VNN1: variants seen among roughly 807,000 people sequenced by gnomAD.
VNN1 encodes vanin 1.
A neutral mutation model predicts 41.9 loss-of-function variants in VNN1; 29 were observed. The ratio of observed to expected loss-of-function variants is 0.69; its 90% CI spans 0.52 to 0.94. The LOEUF is 0.94. Among genes scored for constraint, VNN1 ranks in the 40% least tolerant of loss-of-function variants. The pLI is 0.00. For missense variants in VNN1, 637 were observed against 621.1 expected (o/e 1.03, Z -0.27); for synonymous variants, 233 against 224.4 (o/e 1.04, Z -0.34).
intron 1 of VNN1, among the ~76,000 whole-genome samples, chr6:132,712,180 C>T (rs1230676392): frequency 3.6e-5 from 5 of 139,964 alleles, no homozygotes; most frequent in African/African-American, 7.9e-5. Context: ...GATGGAGTTT[C>T]GCTCTGCTGC....
At position 132,693,278 on chromosome 6, in the gene VNN1, G is replaced by T; in HGVS notation, c.572C>A (p.Pro191His). The change falls in exon 4 of 7, where the codon CCC becomes CAC. Residue 191 changes from proline (P) to histidine (H), a missense_variant. Transcript: ENST00000367928. ...GAAAGTCACAATCTCAGGCTCCTTG[G>T]GTACATTGAATTGATTTTCACCCAT... ...LFMGENQFNVPKEPEIVTFNT... is the reference protein window; with the variant it reads ...LFMGENQFNVHKEPEIVTFNT... 1 of 1,611,652 alleles carries T rather than the reference G, an allele frequency of 6.2e-7. No homozygotes were observed. The highest frequency in any genetic ancestry group is 1.1e-5 in the South Asian group (1 of 90,494).
intron 2 of VNN1, among the ~76,000 whole-genome samples, chr6:132,701,425 C>T (rs576339238): frequency 6.6e-6 from 1 of 152,256 alleles, no homozygotes; most frequent in South Asian, 2.1e-4. Flanking sequence ...TATATGTCAG[C>T]ACCTACAGCT....
intron 1 of VNN1, among the ~76,000 whole-genome samples, chr6:132,712,088 T>G (rs1229572790): frequency 6.6e-6 from 1 of 152,088 alleles, no homozygotes; most frequent in Non-Finnish European, 1.5e-5. Context: ...AAATGCAGGT[T>G]TGTTGCATGG....
chr6:132,685,886 G>T (rs527501712), intron 5 of VNN1, among the ~76,000 whole-genome samples: 21 of 152,280 alleles, frequency 1.4e-4, no homozygotes, highest in African/African-American at 4.8e-4. Flanking sequence ...AAGTTTAAGA[G>T]ACATAGTTGA....
At chr6:132,704,970 G>A (rs952940592) in intron 2 of VNN1, among the ~76,000 whole-genome samples, 1 of 151,838 alleles carries the variant, frequency 6.6e-6, no homozygotes, top group Non-Finnish European at 1.5e-5. Context: ...AGCCTACCAA[G>A]ATTGAACCAC....
chr6:132,683,519 T>C (rs185861962), intron 6 of VNN1, among the ~76,000 whole-genome samples, 197 bp from the exon 7 acceptor site: 1 of 152,230 alleles, frequency 6.6e-6, no homozygotes, highest in Non-Finnish European at 1.5e-5. Context: ...ATTAGTGAGA[T>C]GCCCGTAATC....
intron 2 of VNN1, among the ~76,000 whole-genome samples, chr6:132,696,960 C>T (rs1582772971): frequency 6.6e-6 from 1 of 152,002 alleles, no homozygotes; most frequent in African/African-American, 2.4e-5. Flanking sequence ...AAAAAATTAG[C>T]CAGGCGTGGT....
intron 2 of VNN1, among the ~76,000 whole-genome samples, chr6:132,707,226 CA>C (rs61642987): frequency 5.4e-4 from 74 of 137,520 alleles, no homozygotes; most frequent in Non-Finnish European, 7.5e-4. Context: ...GGCTCTGTCT[CA>C]AAAAAAAAAA....
intron 2 of VNN1, among the ~76,000 whole-genome samples, chr6:132,695,708 A>G (rs970169848): frequency 6.6e-6 from 1 of 152,170 alleles, no homozygotes; most frequent in Non-Finnish European, 1.5e-5. Context: ...TTAAGGAATA[A>G]GCAATTAAAT....
rs775117607 is a variant in VNN1, at chr6:132,693,041, G to A, written c.809C>T (p.Pro270Leu). The A allele has an allele frequency of 3.1e-6, 5 of 1,608,642 alleles. No individual in the cohort carries two copies. Among genetic ancestry groups the A allele is most frequent in the Non-Finnish European group, 3.4e-6 (4 of 1,176,366 alleles). The change falls in exon 4 of 7, where the codon CCC (proline) becomes CTC (leucine). Residue 270 changes from proline (P) to leucine (L), a missense_variant. Transcript: ENST00000367928. Reference sequence around the variant, plus strand: ...CACATTACCTGTCATTTTCTTTGAGGGGTAATGTATGTTGGATGCAAGGAA... The same window carrying A: ...CACATTACCTGTCATTTTCTTTGAGAGGTAATGTATGTTGGATGCAAGGAA... ...VNFLASNIHY[P>L]SKKMTGSGIY...
intron 6 of VNN1, 130 bp downstream of exon 6, chr6:132,684,205 G>A (rs375649362): frequency 2.5e-5 from 23 of 922,684 alleles, no homozygotes; most frequent in East Asian, 1.4e-4. Context: ...TGTCCTTCAT[G>A]ATCCCCAAGG....
rs1778148060 is a variant in VNN1, at chr6:132,682,927, A to G, written c.*213T>C. The G allele has an allele frequency of 8.6e-6, 3 of 350,024 alleles. No individual in the cohort carries two copies. The highest frequency in any genetic ancestry group is 1.5e-5 in the Non-Finnish European group (3 of 201,200). The allele number at this position is 350,024 out of a possible 1,614,324, so 21.7% of individuals were successfully genotyped here. ...TGATATAATTAGCTCACGTCCAAGA[A>G]AGACCAATGTTCAAATATAGTTTTT... On this transcript the variant is annotated 3_prime_UTR_variant, in exon 7 of 7. Transcript: ENST00000367928.
intron 6 of VNN1, among the ~76,000 whole-genome samples, chr6:132,683,659 A>G (rs1778163220): frequency 6.6e-6 from 1 of 152,176 alleles, no homozygotes; most frequent in African/African-American, 2.4e-5. Context: ...CAATGGCCCG[A>G]AGCAATTGAC....
chr6:132,704,803 G>A (rs9399039), intron 2 of VNN1, among the ~76,000 whole-genome samples: 63,286 of 151,002 alleles, frequency 0.42, 15,567 homozygotes, highest in African/African-American at 0.69. Flanking sequence ...GTGAGACTAA[G>A]AAAAAAAGAT....
intron 5 of VNN1, among the ~76,000 whole-genome samples, chr6:132,691,807 G>C (rs964128103): frequency 2.6e-5 from 4 of 151,930 alleles, no homozygotes; most frequent in African/African-American, 9.7e-5. Context: ...AGACCACCCT[G>C]GCCAATATGG....
rs1044946455 is a variant in VNN1, at chr6:132,682,628, C to T, written c.*512G>A. Reference sequence around the variant, plus strand: ...TTTTACCTCTTTAAAGACCCTGTCTCCAAATACAGTCACATTCTGAGGTGC... The same window carrying T: ...TTTTACCTCTTTAAAGACCCTGTCTTCAAATACAGTCACATTCTGAGGTGC... On this transcript the variant is annotated 3_prime_UTR_variant, in exon 7 of 7. Transcript: ENST00000367928. 1 of 152,532 alleles carries T rather than the reference C, an allele frequency of 6.6e-6. No homozygotes were observed. The allele number at this position is 152,532 out of a possible 1,614,324, so 9.4% of individuals were successfully genotyped here. A position where few individuals can be genotyped will look rare whatever the true frequency, so the allele number is the denominator to read the frequency against.
chr6:132,706,442 C>T (rs1261033636), intron 2 of VNN1, among the ~76,000 whole-genome samples: 5 of 152,060 alleles, frequency 3.3e-5, no homozygotes, highest in Admixed American at 2.6e-4. Flanking sequence ...CTGGGAAAAC[C>T]AGATACCCAT....
At chr6:132,713,427 T>C (rs180848128) in intron 1 of VNN1, among the ~76,000 whole-genome samples, 63 of 152,306 alleles carry the variant, frequency 4.1e-4, no homozygotes, top group African/African-American at 1.5e-3. Flanking sequence ...AGATTATAAA[T>C]TTATTCGAAA....
rs1778131423 is a variant in VNN1, at chr6:132,681,997, A to G, written c.*1143T>C. The G allele has an allele frequency of 6.6e-6, 1 of 152,270 alleles. No individual in the cohort carries two copies. The highest frequency in any genetic ancestry group is 6.5e-5 in the Admixed American group (1 of 15,278). 9.4% of individuals were successfully genotyped at this position (152,270 alleles called of 1,614,324 possible). ...ACAGCACTATGATATTAGTGCTCAG[A>G]GTCTATCAGTCAGTTGGGAGATATT... On this transcript the variant is annotated 3_prime_UTR_variant, in exon 7 of 7. Coordinates refer to ENST00000367928, the MANE Select transcript of VNN1 (RefSeq NM_004666.3).
Sources: allele counts gnomAD v4.1 joint callset (sites outside exome capture counted in the v4.1 genomes callset), GRCh38; gene constraint gnomAD v4.1.1; transcripts MANE v1.5; gene names NCBI Gene and HGNC (gene_info 2026-07-23, HGNC 2026-07-21).